The following CA10 variants were observed in gnomAD, a reference collection of about 807,000 sequenced individuals.
CA10 encodes the protein carbonic anhydrase-related protein 10.
A neutral mutation model predicts 44.2 loss-of-function variants in CA10; 14 were observed. The ratio of observed to expected loss-of-function variants is 0.32; its 90% CI spans 0.21 to 0.50. The LOEUF (loss-of-function observed/expected upper bound fraction) is 0.50, where lower values mean the gene tolerates loss of function less well. CA10 is among the 20% of genes least tolerant of loss of function. CA10 has a pLI of 0.99. For missense variants in CA10, 350 were observed against 409.7 expected (o/e 0.85, Z 1.26); for synonymous variants, 159 against 141.6 (o/e 1.12, Z -0.87).
intron 1 of CA10, among the ~76,000 whole-genome samples, chr17:52,114,277 A>G (rs1041156411): frequency 3.3e-5 from 5 of 152,172 alleles, no homozygotes; most frequent in African/African-American, 1.2e-4. Flanking sequence ...CTTTTGGACC[A>G]CTAGAGTTCT....
intron 2 of CA10, among the ~76,000 whole-genome samples, chr17:52,041,820 A>G (rs1986776497): frequency 6.6e-6 from 1 of 152,110 alleles, no homozygotes; most frequent in Non-Finnish European, 1.5e-5. Context: ...TATTTCACAT[A>G]TAAGTGAGAT....
chr17:51,728,896 C>A (rs1351202991), intron 4 of CA10, among the ~76,000 whole-genome samples: 3 of 152,084 alleles, frequency 2.0e-5, no homozygotes, highest in Non-Finnish European at 4.4e-5. Flanking sequence ...AGCAGAGAAT[C>A]AAAACTAAGT....
At chr17:51,990,120 T>C (rs1984988614) in intron 2 of CA10, among the ~76,000 whole-genome samples, 1 of 152,154 alleles carries the variant, frequency 6.6e-6, no homozygotes, top group African/African-American at 2.4e-5. Context: ...TCTTCAAAGA[T>C]ATATAGCTTA....
chr17:52,136,316 C>G (rs527260541), intron 1 of CA10, among the ~76,000 whole-genome samples: 2 of 152,252 alleles, frequency 1.3e-5, no homozygotes, highest in African/African-American at 4.8e-5. Flanking sequence ...AGCTGCAGAC[C>G]ATTAGCATTA....
chr17:51,638,792 C>T (rs151050586), intron 6 of CA10, among the ~76,000 whole-genome samples: 4 of 152,224 alleles, frequency 2.6e-5, no homozygotes, highest in South Asian at 2.1e-4. Flanking sequence ...AGGAATGAAT[C>T]GAGGAGTTGA....
At chr17:51,835,862 A>C (rs1196646149) in intron 3 of CA10, among the ~76,000 whole-genome samples, 1 of 152,238 alleles carries the variant, frequency 6.6e-6, no homozygotes, top group Non-Finnish European at 1.5e-5. Flanking sequence ...CTACTGCAGC[A>C]GAGAAGGGTT....
intron 3 of CA10, among the ~76,000 whole-genome samples, chr17:51,875,150 G>GT (rs1201433943): frequency 3.3e-5 from 5 of 151,874 alleles, no homozygotes; most frequent in Non-Finnish European, 7.4e-5. Context: ...ATTTCTAAAT[G>GT]TTTTTTAGAG....
intron 2 of CA10, among the ~76,000 whole-genome samples, chr17:52,068,965 A>C (rs921146290): frequency 2.6e-5 from 4 of 152,218 alleles, no homozygotes; most frequent in Admixed American, 6.5e-5. Flanking sequence ...TGATGTCTAC[A>C]GCGTAAGCCG....
chr17:51,677,149 G>A (rs750746243), intron 4 of CA10, among the ~76,000 whole-genome samples: 4 of 152,172 alleles, frequency 2.6e-5, no homozygotes, highest in Non-Finnish European at 5.9e-5. Context: ...CTACTATGTG[G>A]AATAATATTT....
rs75670754 is a variant in CA10 at position 51,726,240 on chromosome 17, T to C, written c.465+21393A>G. 8.3e-3 allele frequency among the ~76,000 whole-genome samples: 1,142 copies of C among 137,872 alleles called. 6 individuals carry two copies. Among genetic ancestry groups the C allele is most frequent in the Admixed American group, 0.015 (202 of 13,714 alleles). 90.4% of individuals were successfully genotyped at this position (137,872 alleles called of 152,430 possible). On this transcript the variant is annotated intron_variant, in intron 4 of 8. Coordinates refer to ENST00000451037, the MANE Select transcript of CA10 (RefSeq NM_020178.5). ...TAAGTCCAGCACGAGTCCCACTTTCTCTGAGAGGCTGATCTACACTATTCC... is the reference window on the plus strand; with the variant it reads ...TAAGTCCAGCACGAGTCCCACTTTCCCTGAGAGGCTGATCTACACTATTCC...
chr17:51,914,597 A>C (rs1981919747), intron 3 of CA10, among the ~76,000 whole-genome samples: 1 of 152,174 alleles, frequency 6.6e-6, no homozygotes, highest in Non-Finnish European at 1.5e-5. Flanking sequence ...AATAGGCTGA[A>C]ATATGGTGGT....
In CA10 at chr17:51,797,346, G is replaced by A. The variant is rs756008940; in HGVS notation, c.280-49528C>T. Among the ~76,000 whole-genome samples the A allele has an allele frequency of 4.6e-5, 7 of 152,174 alleles. No homozygotes were observed. In the South Asian group the frequency reaches 6.2e-4, roughly 14 times the overall value. ...TAAATCATAGCACGCAGGCGCATGC[G>A]CGCGCACGCACGCGTGCACGCACAC... is the stretch of plus-strand genomic sequence containing the variant. On this transcript the variant is annotated intron_variant, in intron 3 of 8. Transcript: ENST00000451037.
chr17:52,036,014 CTAGT>C (rs2144182147), intron 2 of CA10, among the ~76,000 whole-genome samples: 1 of 152,268 alleles, frequency 6.6e-6, no homozygotes, highest in African/African-American at 2.4e-5. Context: ...ACCTGGAGAG[CTAGT>C]TAAACACAGA....
intron 2 of CA10, among the ~76,000 whole-genome samples, chr17:51,938,975 T>C (rs796744696): frequency 3.3e-5 from 5 of 152,104 alleles, no homozygotes; most frequent in African/African-American, 7.2e-5. Context: ...GTAATGTATG[T>C]ATGGTAACAG....
At chr17:51,697,896 T>C in intron 4 of CA10, among the ~76,000 whole-genome samples, 1 of 152,240 alleles carries the variant, frequency 6.6e-6, no homozygotes, top group East Asian at 1.9e-4. Context: ...CCAATTTCAC[T>C]ACTTGCCAAA....
chr17:52,023,794 A>G (rs1986214220), intron 2 of CA10, among the ~76,000 whole-genome samples: 1 of 152,064 alleles, frequency 6.6e-6, no homozygotes, highest in Admixed American at 6.6e-5. Context: ...AAATGACCCC[A>G]TTAAAAAGTG....
chr17:52,084,608 C>T (rs1226319806), intron 1 of CA10, among the ~76,000 whole-genome samples: 1 of 152,100 alleles, frequency 6.6e-6, no homozygotes, highest in African/African-American at 2.4e-5. Context: ...ATTTATATTC[C>T]CCACCTGGAT....
intron 4 of CA10, among the ~76,000 whole-genome samples, chr17:51,702,061 T>G (rs1185456257): frequency 1.4e-5 from 2 of 147,684 alleles, no homozygotes; most frequent in Non-Finnish European, 2.9e-5. Context: ...TAAAAATCAT[T>G]CATTTGTTCA....
rs148769371 is a variant in CA10 at position 51,751,992 on chromosome 17, T to C, written c.280-4174A>G. Reference sequence around the variant, plus strand: ...CTCCCTGCCATCATGGAGCTCACACTCCATTATGGAGAGACCTGAATGGGG... The same window carrying C: ...CTCCCTGCCATCATGGAGCTCACACCCCATTATGGAGAGACCTGAATGGGG... On this transcript the variant is annotated intron_variant, in intron 3 of 8. Transcript: ENST00000451037. Among the ~76,000 whole-genome samples the C allele has an allele frequency of 1.5e-3, 223 of 152,230 alleles. 1 individual carries two copies. The South Asian group carries it at 0.016, about 11-fold the overall frequency.
Sources: allele counts gnomAD v4.1 joint callset (sites outside exome capture counted in the v4.1 genomes callset), GRCh38; gene constraint gnomAD v4.1.1; transcripts MANE v1.5; gene names NCBI Gene and HGNC (gene_info 2026-07-23, HGNC 2026-07-21).